Variants in STK3 observed in about 807,000 individuals in gnomAD.
STK3 encodes serine/threonine-protein kinase 3.
STK3 carries 41 observed loss-of-function variants against 58.0 expected under a neutral mutation model. The ratio of observed to expected loss-of-function variants is 0.71; its 90% CI spans 0.55 to 0.92. The LOEUF (loss-of-function observed/expected upper bound fraction) is 0.92, where lower values mean the gene tolerates loss of function less well. Ranked by LOEUF, STK3 falls within the 40% of genes least tolerant of loss-of-function variation. The pLI is 0.00. For synonymous variants in STK3, 170 were observed against 191.0 expected (o/e 0.89, Z 0.91); for missense variants, 479 against 602.7 (o/e 0.79, Z 2.15).
rs1018311027 is a variant in STK3, at chr8:98,404,184, G to A, written n.484-2671C>T. ...CCTTTTGCCAGAAAAACTATATGCT[G>A]TCTCTCAGAGTTCTATTCTAGCATC... On this transcript the variant is annotated intron_variant and non_coding_transcript_variant, in intron 3 of 3. Transcript: ENST00000517832. Among the ~76,000 whole-genome samples the A allele has an allele frequency of 9.2e-5, 14 of 152,278 alleles. 1 individual carries two copies. The highest frequency in any genetic ancestry group is 3.4e-3 in the Middle Eastern group (1 of 294).
At chr8:98,449,191 A>G (rs1158985243) in intron 1 of STK3, among the ~76,000 whole-genome samples, 4 of 152,078 alleles carry the variant, frequency 2.6e-5, no homozygotes, top group African/African-American at 4.8e-5. Context: ...CTGGATGGTA[A>G]TATTCCCATA....
chr8:98,591,227 T>C (rs570746689), intron 7 of STK3, among the ~76,000 whole-genome samples: 1 of 152,344 alleles, frequency 6.6e-6, no homozygotes, highest in South Asian at 2.1e-4. Context: ...CAGTGAGCTA[T>C]GCGATCATGA....
At chr8:98,803,348 T>C (rs1400233348) in intron 1 of STK3, among the ~76,000 whole-genome samples, 1 of 151,858 alleles carries the variant, frequency 6.6e-6, no homozygotes, top group African/African-American at 2.4e-5. Flanking sequence ...TCCCAGCACT[T>C]TGGGAGGCCA....
At chr8:98,608,020 T>C (rs1420971323) in intron 6 of STK3, among the ~76,000 whole-genome samples, 1 of 152,138 alleles carries the variant, frequency 6.6e-6, no homozygotes, top group Non-Finnish European at 1.5e-5. Context: ...TGTAACAAAA[T>C]AGAAAAACTC....
intron 4 of STK3, among the ~76,000 whole-genome samples, chr8:98,729,300 G>A (rs1284968698): frequency 6.6e-6 from 1 of 152,056 alleles, no homozygotes; most frequent in Non-Finnish European, 1.5e-5. Context: ...AGTAGAGACG[G>A]GGTTTCTCTA....
At chr8:98,751,471 C>T (rs1358099799) in intron 3 of STK3, among the ~76,000 whole-genome samples, 2 of 151,952 alleles carry the variant, frequency 1.3e-5, no homozygotes, top group African/African-American at 4.8e-5. Context: ...ACAGTCAAGC[C>T]GAGAGCCAAA....
intron 1 of STK3, among the ~76,000 whole-genome samples, chr8:98,909,583 T>C (rs1293459322): frequency 2.0e-5 from 3 of 152,240 alleles, no homozygotes; most frequent in Non-Finnish European, 2.9e-5. Context: ...TCTTCTGGAC[T>C]TTCATACAAA....
At chr8:98,763,693 GAC>G (rs1178841971) in intron 3 of STK3, among the ~76,000 whole-genome samples, 1 of 149,566 alleles carries the variant, frequency 6.7e-6, no homozygotes, top group East Asian at 2.0e-4. Flanking sequence ...TTCTTTTTGA[GAC>G]AGAGTCTCAC....
chr8:98,439,735 T>C (rs1447346148), intron 1 of STK3, among the ~76,000 whole-genome samples: 1 of 152,190 alleles, frequency 6.6e-6, no homozygotes, highest in African/African-American at 2.4e-5. Flanking sequence ...TTGCTGATCC[T>C]CTAGCAAAAT....
intron 3 of STK3, among the ~76,000 whole-genome samples, chr8:98,411,126 CT>C (rs1818051494): frequency 1.3e-5 from 2 of 152,208 alleles, no homozygotes; most frequent in Admixed American, 1.3e-4. Flanking sequence ...TCCTCATGGC[CT>C]TTTCAGCTCT....
chr8:98,742,806 G>T (rs1349890316), intron 4 of STK3, among the ~76,000 whole-genome samples: 2 of 151,986 alleles, frequency 1.3e-5, no homozygotes, highest in Non-Finnish European at 2.9e-5. Context: ...GTTTGCAGAT[G>T]ACATGATTGG....
chr8:98,832,241 C>T (rs943351280), intron 3 of STK3, among the ~76,000 whole-genome samples: 1 of 119,166 alleles, frequency 8.4e-6, no homozygotes, highest in African/African-American at 3.1e-5. Context: ...GCCTCCTTTT[C>T]GTGAAAAAAA....
chr8:98,863,778 C>G (rs760399686), intron 3 of STK3, among the ~76,000 whole-genome samples: 7 of 152,126 alleles, frequency 4.6e-5, no homozygotes, highest in Non-Finnish European at 1.0e-4. Flanking sequence ...ATTAACCACA[C>G]CTTGATTTTG....
At chr8:98,696,034 T>C (rs1824885824) in intron 6 of STK3, among the ~76,000 whole-genome samples, 1 of 152,120 alleles carries the variant, frequency 6.6e-6, no homozygotes, top group Non-Finnish European at 1.5e-5. Context: ...TCCTCTTTTA[T>C]TTCATTGAGC....
intron 3 of STK3, chr8:98,413,537 T>C (rs1818078791): frequency 1.5e-6 from 1 of 650,468 alleles, no homozygotes; most frequent in Admixed American, 1.8e-5. Flanking sequence ...ATACTTCAAC[T>C]GTGACATCAT....
chr8:98,865,778 C>T (rs1837115137), intron 3 of STK3, among the ~76,000 whole-genome samples: 1 of 152,194 alleles, frequency 6.6e-6, no homozygotes, highest in South Asian at 2.1e-4. Flanking sequence ...CATCAAAGTC[C>T]ATCTAAGTCT....
At chr8:98,467,631 AT>A (rs1171741298) in intron 10 of STK3, among the ~76,000 whole-genome samples, 1 of 151,846 alleles carries the variant, frequency 6.6e-6, no homozygotes, top group Non-Finnish European at 1.5e-5. Context: ...ATCTGTGAAG[AT>A]GAGGGTATTT....
At chr8:98,473,430 T>C (rs1304539675) in intron 10 of STK3, among the ~76,000 whole-genome samples, 1 of 152,192 alleles carries the variant, frequency 6.6e-6, no homozygotes, top group East Asian at 1.9e-4. Flanking sequence ...TGTTTTTTCT[T>C]ATCTCAAGAA....
chr8:98,905,413 G>A (rs1312226987), intron 1 of STK3: 2 of 1,288,622 alleles, frequency 1.6e-6, no homozygotes, highest in East Asian at 4.6e-5. Context: ...GTACAAGTGG[G>A]ACTGATGTTA....
Sources: allele counts gnomAD v4.1 joint callset (sites outside exome capture counted in the v4.1 genomes callset), GRCh38; gene constraint gnomAD v4.1.1; transcripts MANE v1.5; gene names NCBI Gene and HGNC (gene_info 2026-07-23, HGNC 2026-07-21).